Variants in MADD observed in about 807,000 individuals in gnomAD.
MADD encodes MAP kinase-activating death domain protein.
In MADD, 109 loss-of-function variants were observed where a neutral mutation model predicts 176.7. That is an observed-to-expected ratio of 0.62 (90% CI 0.53 to 0.72). The LOEUF (loss-of-function observed/expected upper bound fraction) is 0.72, where lower values mean the gene tolerates loss of function less well. Ranked by LOEUF, MADD falls within the 30% of genes least tolerant of loss-of-function variation. The probability of loss-of-function intolerance (pLI) is 0.00; values close to 1 mark genes in which losing one functional copy is unlikely to be tolerated. For synonymous variants in MADD, 771 were observed against 771.3 expected (o/e 1.00, Z 0.01); for missense variants, 1,914 against 2,045.5 (o/e 0.94, Z 1.24).
chr11:47,269,624 C>A (rs1958317086), upstream of MADD: 1 of 151,858 alleles, frequency 6.6e-6, no homozygotes. Context: ...CCCCCCCACT[C>A]CCCGCGCGCG....
chr11:47,327,321 T>C lies in MADD; in HGVS notation c.4612+514T>C, dbSNP rs771174758. ...TAGCGGGACAGCTGTAGCCGGAAGCTGGGAGCCAGCGCTAGGGAGTGGTGT... is the reference window on the plus strand; with the variant it reads ...TAGCGGGACAGCTGTAGCCGGAAGCCGGGAGCCAGCGCTAGGGAGTGGTGT... On this transcript the variant is annotated intron_variant, in intron 31 of 32. Transcript: ENST00000402192. 4.7e-4 allele frequency: 468 copies of C among 988,240 alleles called. 1 individual carries two copies. The highest frequency in any genetic ancestry group is 5.5e-4 in the Non-Finnish European group (459 of 831,492). The allele number at this position is 988,240 out of a possible 1,614,324, so 61.2% of individuals were successfully genotyped here.
intron 27 of MADD, 111 bp from the exon 31 acceptor site, chr11:47,323,560 C>G: frequency 2.7e-6 from 3 of 1,109,082 alleles, no homozygotes; most frequent in Non-Finnish European, 4.0e-6. Flanking sequence ...GAGCGTAAGG[C>G]AGAAAACCTG....
At chr11:47,292,891 C>T (rs1179371934) in intron 19 of MADD, among the ~76,000 whole-genome samples, 1 of 152,154 alleles carries the variant, frequency 6.6e-6, no homozygotes, top group African/African-American at 2.4e-5. Flanking sequence ...TAGTGCCCCC[C>T]ATTGGCTGAT....
chr11:47,274,623 G>T (rs764539454), exon 3 of MADD: 95 of 1,614,098 alleles, frequency 5.9e-5, no homozygotes, highest in Non-Finnish European at 8.1e-5. Context: ...ACCCCTTGGA[G>T]GATCACACTG....
At chr11:47,288,359 A>C (rs578035997) in intron 15 of MADD, among the ~76,000 whole-genome samples, 1 of 152,360 alleles carries the variant, frequency 6.6e-6, no homozygotes, top group Non-Finnish European at 1.5e-5. Flanking sequence ...GGATGGGAAC[A>C]TTGGATAAAT....
intron 22 of MADD, among the ~76,000 whole-genome samples, chr11:47,302,570 T>C (rs2078708067): frequency 6.6e-6 from 1 of 152,214 alleles, no homozygotes; most frequent in Admixed American, 6.5e-5. Context: ...CTACTCTTGC[T>C]TGCTTTTGGT....
intron 7 of MADD, among the ~76,000 whole-genome samples, chr11:47,281,021 G>A (rs142506192): frequency 1.5e-4 from 23 of 152,246 alleles, no homozygotes; most frequent in East Asian, 3.9e-4. Flanking sequence ...ATATTGAATC[G>A]GGATCTGCAT....
intron 27 of MADD, among the ~76,000 whole-genome samples, chr11:47,317,696 A>C (rs1160298003): frequency 2.0e-5 from 3 of 151,986 alleles, no homozygotes; most frequent in South Asian, 4.1e-4. Flanking sequence ...TGATCTGCCC[A>C]CCAGAAAGTT....
At chr11:47,306,277 C>T (rs2082548687) in intron 22 of MADD, among the ~76,000 whole-genome samples, 2 of 152,174 alleles carry the variant, frequency 1.3e-5, no homozygotes, top group Admixed American at 1.3e-4. Flanking sequence ...ATTGTCAAGA[C>T]ATCAGGCTAG....
intron 30 of MADD, chr11:47,324,894 GTC>G: frequency 1.7e-6 from 1 of 604,882 alleles, no homozygotes; most frequent in Non-Finnish European, 2.9e-6. Flanking sequence ...CCCCTGCAGT[GTC>G]TCTGCCTTCC....
At chr11:47,282,546 T>C (rs1476088917) in exon 9 of MADD, 1 of 1,614,212 alleles carries the variant, frequency 6.2e-7, no homozygotes, top group Admixed American at 1.7e-5. Context: ...TGGCCAGGAC[T>C]CAGGCTGTGG....
At chr11:47,284,048 C>T (rs773119099) in intron 10 of MADD, 130 bp from the exon 11 acceptor site, 4 of 671,766 alleles carry the variant, frequency 6.0e-6, no homozygotes, top group Non-Finnish European at 1.1e-5. Context: ...TTTTTCTTGG[C>T]TTCTTTATTT....
rs760530166 is a variant in MADD at position 47,274,012 on chromosome 11, T to A, written c.62+36T>A. The A allele has an allele frequency of 1.9e-6, 3 of 1,586,842 alleles. No homozygotes were observed. The East Asian group carries it at 6.7e-5, about 35-fold the overall frequency. On this transcript the variant is annotated intron_variant, in intron 2 of 32. Coordinates refer to ENST00000402192, the Ensembl canonical transcript of MADD. ...AGAGATTGACTTTTGTCTTAATATCTGGGATAGCCATAAAATCTGCAGTTG... is the reference window on the plus strand; with the variant it reads ...AGAGATTGACTTTTGTCTTAATATCAGGGATAGCCATAAAATCTGCAGTTG...
At chr11:47,327,073 C>T (rs552396264) in intron 31 of MADD, 298 of 1,194,866 alleles carry the variant, frequency 2.5e-4, no homozygotes, top group Admixed American at 1.5e-3. Flanking sequence ...AGTGAAGTAG[C>T]ACCACCTCCC....
intron 31 of MADD, chr11:47,328,329 G>A (rs530466108): frequency 1.9e-5 from 24 of 1,261,064 alleles, no homozygotes; most frequent in Non-Finnish European, 2.3e-5. Flanking sequence ...AGGGGCCCTG[G>A]ACAGTAGCTG....
chr11:47,296,121 G>A (rs931290924), intron 22 of MADD, 66 bp downstream of exon 24: 29 of 1,561,234 alleles, frequency 1.9e-5, no homozygotes, highest in Admixed American at 8.9e-5. Flanking sequence ...GGCAAGAAAA[G>A]AATGAAAGTT....
chr11:47,324,660 C>T, intron 30 of MADD, 83 bp downstream of exon 33: 1 of 938,378 alleles, frequency 1.1e-6, no homozygotes, highest in Non-Finnish European at 1.7e-6. Context: ...ACTTCCCCAG[C>T]AAGCATGAGA....
chr11:47,296,038 G>T (rs2071324405), exon 22 of MADD: 1 of 1,613,880 alleles, frequency 6.2e-7, no homozygotes. Flanking sequence ...GACCAACTCT[G>T]CCACAAGCAC....
At chr11:47,281,860 T>TTTTTTTTTTTTTA (rs1555022835) in intron 8 of MADD, 107 bp downstream of exon 8, 2 of 741,900 alleles carry the variant, frequency 2.7e-6, no homozygotes, top group Admixed American at 4.0e-5. Flanking sequence ...CTTTTTTTTT[T>TTTTTTTTTTTTTA]GAGATAGATT....
Sources: gnomAD v4.1 joint callset for allele counts (sites outside exome capture counted in the v4.1 genomes callset) on GRCh38, gnomAD v4.1.1 for gene constraint, MANE v1.5 for transcripts, NCBI Gene and HGNC (gene_info 2026-07-23, HGNC 2026-07-21) for gene names.